FNTB: variants seen among roughly 807,000 people sequenced by gnomAD.
FNTB encodes protein farnesyltransferase subunit beta.
In FNTB, 27 loss-of-function variants were observed where a neutral mutation model predicts 59.4. That is an observed-to-expected ratio of 0.45 (90% CI 0.34 to 0.63). The LOEUF (loss-of-function observed/expected upper bound fraction) is 0.63. Ranked by LOEUF, FNTB falls within the 20% of genes least tolerant of loss-of-function variation. The probability of loss-of-function intolerance (pLI) is 0.02; values close to 1 mark genes in which losing one functional copy is unlikely to be tolerated. For missense variants in FNTB, 449 were observed against 559.6 expected, an observed-to-expected ratio of 0.80 and a Z score of 1.99; for synonymous variants, 230 against 220.7, an observed-to-expected ratio of 1.04 and a Z score of -0.37.
At chr14:65,003,472 A>G (rs1011857076) in intron 1 of FNTB, 7 of 152,184 alleles carry the variant, frequency 4.6e-5, no homozygotes, top group East Asian at 1.9e-4. Context: ...TGGAACCACT[A>G]TAACAAACCA....
chr14:65,022,090 T>C (rs2061898967), intron 4 of FNTB: 1 of 455,922 alleles, frequency 2.2e-6, no homozygotes, highest in Non-Finnish European at 4.4e-6. Context: ...GCTGCCCGTC[T>C]TCACCTGTCC....
In FNTB at chr14:65,029,426, A is replaced by G. The variant is rs971103337; in HGVS notation, c.605+1645A>G. On this transcript the variant is annotated intron_variant, in intron 6 of 11. Coordinates refer to ENST00000246166, the MANE Select transcript of FNTB (RefSeq NM_002028.4). This position sits in a 1 kb window ranked among gnomAD's most constrained non-coding sequence, Gnocchi z 4.7. Reference sequence around the variant, plus strand: ...TCGCTGCCCTTCTGGGATAGACAGCAGTCTCTGGATGATCTTTCTGCTCTG... The same window carrying G: ...TCGCTGCCCTTCTGGGATAGACAGCGGTCTCTGGATGATCTTTCTGCTCTG... Among the ~76,000 whole-genome samples, 2 of 152,220 alleles carry G rather than the reference A, an allele frequency of 1.3e-5. No homozygotes were observed. Among genetic ancestry groups the G allele is most frequent in the African/African-American group, 4.8e-5 (2 of 41,462 alleles).
At chr14:65,058,156 ACTT>A (rs1399324197) in intron 11 of FNTB, among the ~76,000 whole-genome samples, 3 of 150,716 alleles carry the variant, frequency 2.0e-5, no homozygotes, top group Admixed American at 6.6e-5. Flanking sequence ...AAGAGAACTG[ACTT>A]CTTTTCAATA....
intron 11 of FNTB, among the ~76,000 whole-genome samples, chr14:65,058,248 G>T: frequency 6.7e-6 from 1 of 149,290 alleles, no homozygotes; most frequent in African/African-American, 2.5e-5. Context: ...TTTCCATAAA[G>T]GACTAGCATT....
chr14:65,017,715 G>A (rs1370627821), intron 4 of FNTB, among the ~76,000 whole-genome samples: 5 of 152,146 alleles, frequency 3.3e-5, no homozygotes, highest in Non-Finnish European at 7.4e-5. Flanking sequence ...AAGCACTTTG[G>A]GAGGTTGAGG....
At chr14:65,025,676 G>T (rs144707018) in intron 4 of FNTB, among the ~76,000 whole-genome samples, 1 of 152,018 alleles carries the variant, frequency 6.6e-6, no homozygotes, top group African/African-American at 2.4e-5. Flanking sequence ...CTAGCCAGGC[G>T]TGGTGGCTCA....
chr14:65,024,574 G>A (rs79191167), intron 4 of FNTB, among the ~76,000 whole-genome samples: 15,201 of 152,160 alleles, frequency 0.1, 1,015 homozygotes, highest in Admixed American at 0.17. Context: ...TAATTGGCAC[G>A]TAAGCTAGAA....
At chr14:65,048,970 C>G (rs1033988357) in intron 9 of FNTB, among the ~76,000 whole-genome samples, 2 of 151,816 alleles carry the variant, frequency 1.3e-5, no homozygotes, top group Non-Finnish European at 1.5e-5. Flanking sequence ...ACTAAAGATA[C>G]AAAAAATTAG....
rs762576126 is a variant in FNTB at position 65,012,432 on chromosome 14, C to G, written c.282+43C>G. 6.2e-7 allele frequency: 1 copy of G among 1,610,450 alleles called. No individual in the cohort carries two copies. The highest frequency in any genetic ancestry group is 8.5e-7 in the Non-Finnish European group (1 of 1,176,966). ...GAACTCTTGCTGTCAAATTATCCAC[C>G]AAATCCTCCTCCTTTTTCTATTTAA... On this transcript the variant is annotated intron_variant, in intron 3 of 11. Coordinates refer to ENST00000246166, the MANE Select transcript of FNTB (RefSeq NM_002028.4). The surrounding 1 kb of genome is among the most constrained non-coding windows in gnomAD (Gnocchi z 5.0).
In FNTB at chr14:65,044,544, T is replaced by A; in HGVS notation, c.955+101T>A. ...CTTTTTTAGAGGGGTTGAAATGAGC[T>A]CTGTCTATCCTGGATTTTGAGTGCC... is the stretch of plus-strand genomic sequence containing the variant. On this transcript the variant is annotated intron_variant, in intron 9 of 11. Transcript: ENST00000246166. This position sits in a 1 kb window ranked among gnomAD's most constrained non-coding sequence, Gnocchi z 5.5. 6.6e-7 allele frequency: 1 copy of A among 1,505,248 alleles called. No homozygotes were observed. The highest frequency in any genetic ancestry group is 8.8e-7 in the Non-Finnish European group (1 of 1,130,864). The allele number at this position is 1,505,248 out of a possible 1,614,324, so 93.2% of individuals were successfully genotyped here.
In FNTB at chr14:64,997,780, A is replaced by G. The variant is rs1888456808; in HGVS notation, c.145-6469A>G. Among the ~76,000 whole-genome samples the G allele has an allele frequency of 6.6e-6, 1 of 152,228 alleles. No individual in the cohort carries two copies. Among genetic ancestry groups the G allele is most frequent in the Non-Finnish European group, 1.5e-5 (1 of 68,036 alleles). The stretch of plus-strand genomic sequence containing the variant: ...TAGGCAGGTGCCTTCTCCATTGGTA[A>G]GAGTTCCTAGTGGCTTAGAGTCATC... On this transcript the variant is annotated intron_variant, in intron 1 of 11. Transcript: ENST00000246166. This position sits in a 1 kb window ranked among gnomAD's most constrained non-coding sequence, Gnocchi z 4.5.
intron 4 of FNTB, among the ~76,000 whole-genome samples, chr14:65,018,394 A>G (rs886877009): frequency 6.6e-6 from 1 of 152,228 alleles, no homozygotes; most frequent in Non-Finnish European, 1.5e-5. Flanking sequence ...GAGATGTGAA[A>G]TGAAAATAGT....
rs780227589 is a variant in FNTB at position 65,044,110 on chromosome 14, C to T, written c.823-201C>T. On this transcript the variant is annotated intron_variant, in intron 8 of 11. Coordinates refer to ENST00000246166, the MANE Select transcript of FNTB (RefSeq NM_002028.4). This position sits in a 1 kb window ranked among gnomAD's most constrained non-coding sequence, Gnocchi z 5.5. Reference sequence around the variant, plus strand: ...CAGAGATCAGTGCTGGATGCCTCTACAGCGTTGGCTTAAATGCTTCACTCT... The same window carrying T: ...CAGAGATCAGTGCTGGATGCCTCTATAGCGTTGGCTTAAATGCTTCACTCT... Among the ~76,000 whole-genome samples, 1 of 152,182 alleles carries T rather than the reference C, an allele frequency of 6.6e-6. No individual in the cohort carries two copies.
chr14:65,038,261 T>G (rs1224589584), intron 7 of FNTB, among the ~76,000 whole-genome samples: 1 of 150,628 alleles, frequency 6.6e-6, no homozygotes, highest in Non-Finnish European at 1.5e-5. Context: ...ATACAAAACA[T>G]TAGCCGGGTG....
chr14:65,032,490 A>C lies in FNTB; in HGVS notation c.606-120A>C, dbSNP rs961536569. ...CCAGGAGGACTGACCGTGTGCCAAG[A>C]GTGAGGACAGGAGGTGATTACAGCT... On this transcript the variant is annotated intron_variant, in intron 6 of 11. Transcript: ENST00000246166. This position sits in a 1 kb window ranked among gnomAD's most constrained non-coding sequence, Gnocchi z 5.0. 3.0e-6 allele frequency: 3 copies of C among 1,009,834 alleles called. No individual in the cohort carries two copies. In the African/African-American group the frequency reaches 4.9e-5, roughly 17 times the overall value. The allele number at this position is 1,009,834 out of a possible 1,614,324, so 62.6% of individuals were successfully genotyped here. A position where few individuals can be genotyped will look rare whatever the true frequency, so the allele number is the denominator to read the frequency against.
rs1459191596 is a variant in FNTB at position 64,994,300 on chromosome 14, A to C, written c.144+7203A>C. 6.6e-6 allele frequency among the ~76,000 whole-genome samples: 1 copy of C among 152,204 alleles called. No homozygotes were observed. Among genetic ancestry groups the C allele is most frequent in the Non-Finnish European group, 1.5e-5 (1 of 68,036 alleles). On this transcript the variant is annotated intron_variant, in intron 1 of 11. Transcript: ENST00000246166. The surrounding 1 kb of genome is among the most constrained non-coding windows in gnomAD (Gnocchi z 4.2). ...TTGGGGACCCTAGTACAGTTACTTGATCCCTGGCCCCTAGAGTCTAACACA... is the reference window on the plus strand; with the variant it reads ...TTGGGGACCCTAGTACAGTTACTTGCTCCCTGGCCCCTAGAGTCTAACACA...
rs908640930 is a variant in FNTB at position 65,005,533 on chromosome 14, C to T, written c.209+1220C>T. 1.3e-3 allele frequency among the ~76,000 whole-genome samples: 184 copies of T among 137,444 alleles called. 1 individual carries two copies. Among genetic ancestry groups the T allele is most frequent in the African/African-American group, 4.7e-3 (168 of 35,446 alleles). The allele number at this position is 137,444 out of a possible 152,430, so 90.2% of individuals were successfully genotyped here. Reference sequence around the variant, plus strand: ...TCTTTCTCTCTCTCTTTCTCTTTCTCTTTCTTTCTCTCCTCTCTCTTTCTC... The same window carrying T: ...TCTTTCTCTCTCTCTTTCTCTTTCTTTTTCTTTCTCTCCTCTCTCTTTCTC... On this transcript the variant is annotated intron_variant, in intron 2 of 11. Coordinates refer to ENST00000246166, the MANE Select transcript of FNTB (RefSeq NM_002028.4).
At chr14:65,050,659 A>G (rs1051423260) in intron 9 of FNTB, among the ~76,000 whole-genome samples, 1 of 152,238 alleles carries the variant, frequency 6.6e-6, no homozygotes, top group African/African-American at 2.4e-5. Flanking sequence ...GCTGGTAGCT[A>G]TATAAAGTCT....
In FNTB at chr14:65,045,059, C is replaced by T. The variant is rs548906284; in HGVS notation, c.955+616C>T. On this transcript the variant is annotated intron_variant, in intron 9 of 11. Transcript: ENST00000246166. ...CCATTGGAGTAGAGAAATCCACGTT[C>T]GTTTCTGTGGGGTCTCAAATGGGAA... Among the ~76,000 whole-genome samples the T allele has an allele frequency of 2.6e-5, 4 of 152,146 alleles. No homozygotes were observed. The South Asian group carries it at 6.2e-4, about 24-fold the overall frequency.
Sources: gnomAD v4.1 joint callset for allele counts (sites outside exome capture counted in the v4.1 genomes callset) on GRCh38, gnomAD v4.1.1 for gene constraint, Gnocchi (gnomAD v3.1) non-coding constraint, MANE v1.5 for transcripts, NCBI Gene and HGNC (gene_info 2026-07-23, HGNC 2026-07-21) for gene names.